The following NAA15 variants were observed in gnomAD, a reference collection of about 807,000 sequenced individuals.
The protein encoded by NAA15 is N-terminal acetyltransferase.
Under a neutral mutation model 114.0 loss-of-function variants are expected in NAA15, and 34 were observed. The observed-to-expected ratio is 0.30, with a 90% CI of 0.23 to 0.40. The LOEUF (loss-of-function observed/expected upper bound fraction) is 0.40, where lower values mean the gene tolerates loss of function less well. Among genes scored for constraint, NAA15 ranks in the 10% least tolerant of loss-of-function variants. The pLI is 1.00. For synonymous variants in NAA15, 340 were observed against 338.0 expected, an observed-to-expected ratio of 1.01 and a Z score of -0.06; for missense variants, 658 against 1,004.5, an observed-to-expected ratio of 0.66 and a Z score of 4.66.
intron 6 of NAA15, among the ~76,000 whole-genome samples, chr4:139,348,664 A>G (rs1579113088): frequency 6.6e-6 from 1 of 152,224 alleles, no homozygotes; most frequent in African/African-American, 2.4e-5. Context: ...TGGAGCTCAT[A>G]TATAATAGTG....
chr4:139,319,678 C>T (rs1170607708), intron 1 of NAA15, among the ~76,000 whole-genome samples: 1 of 152,100 alleles, frequency 6.6e-6, no homozygotes, highest in African/African-American at 2.4e-5. Flanking sequence ...GGCAATCTGC[C>T]CACCTTGGCC....
intron 7 of NAA15, among the ~76,000 whole-genome samples, chr4:139,350,869 G>C (rs575991534): frequency 3.2e-4 from 48 of 152,266 alleles, no homozygotes; most frequent in African/African-American, 1.1e-3. Flanking sequence ...AGAGGAGTTA[G>C]AGGGGAGAAG....
intron 3 of NAA15, among the ~76,000 whole-genome samples, chr4:139,338,941 G>T (rs1011833231): frequency 3.9e-5 from 6 of 152,140 alleles, no homozygotes; most frequent in African/African-American, 9.7e-5. Flanking sequence ...CTCCCGAGTA[G>T]CTGGGAATAC....
At chr4:139,366,547 G>T (rs35882393) in intron 14 of NAA15, among the ~76,000 whole-genome samples, 45,199 of 151,434 alleles carry the variant, frequency 0.3, 7,424 homozygotes, top group African/African-American at 0.44. Flanking sequence ...GTAGACATAA[G>T]TTTAACTGCC....
intron 9 of NAA15, among the ~76,000 whole-genome samples, chr4:139,352,662 C>CTTTTTTTTT (rs746490411): frequency 1.9e-5 from 2 of 103,288 alleles, no homozygotes; most frequent in Non-Finnish European, 3.7e-5. Context: ...CATAAAATAT[C>CTTTTTTTTT]TTTTTTTTTT....
intron 1 of NAA15, among the ~76,000 whole-genome samples, chr4:139,309,308 A>G (rs1746134259): frequency 6.6e-6 from 1 of 151,144 alleles, no homozygotes; most frequent in Non-Finnish European, 1.5e-5. Context: ...AGATCGCGCC[A>G]TTGCTCTCCA....
At chr4:139,332,570 A>ATT (rs1747051142) in intron 1 of NAA15, among the ~76,000 whole-genome samples, 1 of 59,208 alleles carries the variant, frequency 1.7e-5, no homozygotes, top group African/African-American at 7.8e-5. Flanking sequence ...TTTGGTTTGT[A>ATT]TGTTTTTTTT....
intron 1 of NAA15, among the ~76,000 whole-genome samples, chr4:139,310,787 T>G (rs927968965): frequency 1.3e-5 from 2 of 151,436 alleles, no homozygotes; most frequent in African/African-American, 4.9e-5. Context: ...CCTGGCTAAT[T>G]TTTGTATTTT....
intron 18 of NAA15, among the ~76,000 whole-genome samples, chr4:139,385,282 T>A (rs140020218): frequency 6.7e-5 from 5 of 74,496 alleles, no homozygotes; most frequent in South Asian, 1.1e-3. Flanking sequence ...TATATATATA[T>A]AATATATATA....
chr4:139,335,242 C>A (rs1747161181), intron 2 of NAA15, among the ~76,000 whole-genome samples: 1 of 152,010 alleles, frequency 6.6e-6, no homozygotes, highest in East Asian at 1.9e-4. Flanking sequence ...TTTTGCTGAC[C>A]AGCTGAGCTT....
At chr4:139,328,088 C>T (rs188581720) in intron 1 of NAA15, among the ~76,000 whole-genome samples, 83 of 151,324 alleles carry the variant, frequency 5.5e-4, no homozygotes, top group African/African-American at 1.6e-3. Context: ...GAGGTGGTTT[C>T]TGTTGCTATG....
In NAA15 at chr4:139,378,963, A is replaced by G. The variant is rs1340169854; in HGVS notation, c.2155+109A>G. On this transcript the variant is annotated intron_variant, in intron 17 of 19. Coordinates refer to ENST00000296543, the MANE Select transcript of NAA15 (RefSeq NM_057175.5). ...AACCAAATGATTTTAAAGCTGTCACATACTAAATTAGCTAAGGGAAAAGCA... is the reference window on the plus strand; with the variant it reads ...AACCAAATGATTTTAAAGCTGTCACGTACTAAATTAGCTAAGGGAAAAGCA... 8 of 667,788 alleles carry G rather than the reference A, an allele frequency of 1.2e-5. No homozygotes were observed. The South Asian group carries it at 1.5e-4, about 12-fold the overall frequency. The allele number at this position is 667,788 out of a possible 1,614,324, so 41.4% of individuals were successfully genotyped here.
Position 139,334,112 on chromosome 4 carries a change from G to T in NAA15, c.55-62G>T, listed in dbSNP as rs916727079. 13 of 996,534 alleles carry T rather than the reference G, an allele frequency of 1.3e-5. No homozygotes were observed. The South Asian group carries it at 2.0e-4, about 15-fold the overall frequency. The allele number at this position is 996,534 out of a possible 1,614,324, so 61.7% of individuals were successfully genotyped here. ...ATTTAACAGAGTAGAGAAATTTAGC[G>T]TTGAATTTAAAGTTGTTTGTATTCC... is the stretch of plus-strand genomic sequence containing the variant. On this transcript the variant is annotated intron_variant, in intron 1 of 19. Transcript: ENST00000296543.
At chr4:139,386,325 C>A in intron 19 of NAA15, 95 bp downstream of exon 19, 1 of 596,380 alleles carries the variant, frequency 1.7e-6, no homozygotes, top group Non-Finnish European at 2.8e-6. Context: ...TTTTTTAAAT[C>A]ATTATGAATC....
At chr4:139,345,541 A>T (rs933034358) in intron 6 of NAA15, among the ~76,000 whole-genome samples, 11 of 152,218 alleles carry the variant, frequency 7.2e-5, no homozygotes, top group African/African-American at 2.4e-4. Context: ...ATTTTTAGCA[A>T]TTTAGAAGTC....
chr4:139,349,985 C>CAA (rs34905298), intron 7 of NAA15, among the ~76,000 whole-genome samples: 119 of 146,574 alleles, frequency 8.1e-4, no homozygotes, highest in Middle Eastern at 3.5e-3. Flanking sequence ...GACTGTGTCT[C>CAA]AAAAAAAAAA....
intron 1 of NAA15, 31 bp from the exon 2 acceptor site, chr4:139,334,143 A>G: frequency 6.9e-7 from 1 of 1,447,784 alleles, no homozygotes; most frequent in Non-Finnish European, 9.5e-7. Flanking sequence ...ATTCCTTGCT[A>G]AACTTAAATT....
intron 1 of NAA15, among the ~76,000 whole-genome samples, chr4:139,305,693 C>T (rs1252272053): frequency 6.6e-6 from 1 of 152,008 alleles, no homozygotes; most frequent in South Asian, 2.1e-4. Flanking sequence ...TGCCACCACA[C>T]CTAGCTAATT....
intron 13 of NAA15, 102 bp from the exon 14 acceptor site, chr4:139,361,621 GT>G (rs1401276516): frequency 3.0e-5 from 21 of 705,980 alleles, no homozygotes; most frequent in Non-Finnish European, 4.0e-5. Flanking sequence ...AATTTTACTA[GT>G]TTTTTTCATG....
Sources: allele counts gnomAD v4.1 joint callset (sites outside exome capture counted in the v4.1 genomes callset), GRCh38; gene constraint gnomAD v4.1.1; transcripts MANE v1.5; gene names NCBI Gene and HGNC (gene_info 2026-07-23, HGNC 2026-07-21).